PLXNA2: variants seen among roughly 807,000 people sequenced by gnomAD.
PLXNA2 encodes the protein plexin-A2.
In PLXNA2, 91 loss-of-function variants were observed where a neutral mutation model predicts 193.5. The ratio of observed to expected loss-of-function variants is 0.47; its 90% CI spans 0.40 to 0.56. PLXNA2 has a LOEUF of 0.56. Among genes scored for constraint, PLXNA2 ranks in the 20% least tolerant of loss-of-function variants. The pLI, the probability that PLXNA2 is intolerant of heterozygous loss-of-function variation, is 0.00. For synonymous variants in PLXNA2, 997 were observed against 1,027.3 expected (o/e 0.97, Z 0.56); for missense variants, 1,995 against 2,503.2 (o/e 0.80, Z 4.33).
intron 1 of PLXNA2, among the ~76,000 whole-genome samples, chr1:208,228,345 GT>G (rs1468267990): frequency 2.0e-5 from 3 of 152,134 alleles, no homozygotes; most frequent in Non-Finnish European, 2.9e-5. Flanking sequence ...AGAAGCTAGG[GT>G]TCCCAAAAGT....
At chr1:208,151,420 T>A (rs1668758441) in intron 3 of PLXNA2, among the ~76,000 whole-genome samples, 1 of 152,150 alleles carries the variant, frequency 6.6e-6, no homozygotes, top group Admixed American at 6.5e-5. Flanking sequence ...CTTTCAGGTC[T>A]GTGGGGAGTG....
At chr1:208,105,250 T>C (rs538426155) in intron 4 of PLXNA2, among the ~76,000 whole-genome samples, 1 of 152,322 alleles carries the variant, frequency 6.6e-6, no homozygotes, top group South Asian at 2.1e-4. Flanking sequence ...CAGGCTGTTT[T>C]CCAGTGTTCG....
At chr1:208,185,170 T>C (rs535451316) in intron 3 of PLXNA2, among the ~76,000 whole-genome samples, 8 of 152,338 alleles carry the variant, frequency 5.3e-5, no homozygotes, top group Non-Finnish European at 1.0e-4. Flanking sequence ...GGGATTTGAC[T>C]GAACCGTTCA....
chr1:208,214,983 C>A (rs994704730), intron 2 of PLXNA2, among the ~76,000 whole-genome samples: 1 of 152,020 alleles, frequency 6.6e-6, no homozygotes, highest in Non-Finnish European at 1.5e-5. Context: ...CTTCCCCCTA[C>A]TAGATTATAA....
chr1:208,209,335 C>G (rs988183340), intron 3 of PLXNA2, among the ~76,000 whole-genome samples: 5 of 152,162 alleles, frequency 3.3e-5, no homozygotes, highest in Non-Finnish European at 5.9e-5. Context: ...TCCCAAGGCT[C>G]TAAATGGATT....
At chr1:208,149,295 T>A (rs745561127) in intron 3 of PLXNA2, among the ~76,000 whole-genome samples, 9 of 151,964 alleles carry the variant, frequency 5.9e-5, no homozygotes, top group Non-Finnish European at 1.3e-4. Context: ...GATATGTATG[T>A]GTGTGGTGTG....
chr1:208,214,357 A>T (rs1298834753), intron 2 of PLXNA2, among the ~76,000 whole-genome samples: 1 of 152,228 alleles, frequency 6.6e-6, no homozygotes, highest in East Asian at 1.9e-4. Context: ...TATTTTAAAG[A>T]CGAAAAATTT....
intron 4 of PLXNA2, among the ~76,000 whole-genome samples, chr1:208,118,293 G>A (rs1423521772): frequency 6.6e-6 from 1 of 152,202 alleles, no homozygotes; most frequent in Non-Finnish European, 1.5e-5. Context: ...TGAAATCCTG[G>A]TGTCCTTCCA....
chr1:208,042,986 G>T, intron 21 of PLXNA2, 75 bp downstream of exon 21: 1 of 1,489,074 alleles, frequency 6.7e-7, no homozygotes, highest in Non-Finnish European at 9.3e-7. Context: ...GTACTGCTGA[G>T]TCTCATCTGG....
Position 208,216,852 on chromosome 1 carries a change from G to T in PLXNA2, c.1071C>A (p.Ala357=). The T allele has an allele frequency of 6.2e-7, 1 of 1,614,228 alleles. No individual in the cohort carries two copies. Among genetic ancestry groups the T allele is most frequent in the Non-Finnish European group, 8.5e-7 (1 of 1,180,036 alleles). ...GCAAGTTGATGGCCCGGATAGGGAA[G>T]GCACACAGGGCAGAGTCATCGGGCG... The part of the protein sequence containing the change: ...HHPPDDSALC[A]FPIRAINLQI... The change falls in exon 2 of 32, where the codon GCC becomes GCA. Residue 357 remains alanine, a synonymous_variant. Transcript: ENST00000367033.
chr1:208,072,333 T>C (rs1015081801), intron 12 of PLXNA2, among the ~76,000 whole-genome samples: 2 of 152,238 alleles, frequency 1.3e-5, no homozygotes, highest in African/African-American at 4.8e-5. Flanking sequence ...TGTGGCCTTA[T>C]GGTGCAATGT....
Position 208,038,404 on chromosome 1 carries a change from GTCACCC to G in PLXNA2, c.4725_4730del (p.Glu1575_Gly1576del). On this transcript the variant is annotated inframe_deletion, in exon 26 of 32. Coordinates refer to ENST00000367033, the MANE Select transcript of PLXNA2 (RefSeq NM_025179.4). This position sits in a 1 kb window ranked among gnomAD's most constrained non-coding sequence, Gnocchi z 4.1. ...GCATCAGTGTGTTGAGCCGCTTCCA[GTCACCC>G]TCAATCTTGGTGGTGATGTCCTCAT... is the stretch of plus-strand genomic sequence containing the variant. The G allele has an allele frequency of 6.2e-7, 1 of 1,613,778 alleles. No homozygotes were observed.
intron 3 of PLXNA2, among the ~76,000 whole-genome samples, chr1:208,182,032 G>A (rs1362889002): frequency 7.4e-5 from 8 of 107,966 alleles, no homozygotes; most frequent in Admixed American, 2.3e-4. Flanking sequence ...CTCTTTCACC[G>A]TGGCCTGTTC....
rs1047974498 is a variant in PLXNA2, at chr1:208,026,969, C to T, written c.*274G>A. The T allele has an allele frequency of 3.3e-5, 12 of 361,442 alleles. No homozygotes were observed. The highest frequency in any genetic ancestry group is 2.1e-4 in the East Asian group (4 of 19,500). The allele number at this position is 361,442 out of a possible 1,614,324, so 22.4% of individuals were successfully genotyped here. A position where few individuals can be genotyped will look rare whatever the true frequency, so the allele number is the denominator to read the frequency against. On this transcript the variant is annotated 3_prime_UTR_variant, in exon 32 of 32. Transcript: ENST00000367033. ...CACAGAGGCAGAACTGTCCCCAGCTCGTGCCTCTCGGCTTGAAGAACCACC... is the reference window on the plus strand; with the variant it reads ...CACAGAGGCAGAACTGTCCCCAGCTTGTGCCTCTCGGCTTGAAGAACCACC...
intron 4 of PLXNA2, among the ~76,000 whole-genome samples, chr1:208,141,858 G>A (rs565657280): frequency 6.6e-6 from 1 of 152,318 alleles, no homozygotes; most frequent in South Asian, 2.1e-4. Flanking sequence ...GCTTCCCAGA[G>A]CTGACCAGCT....
chr1:208,244,242 G>T lies in PLXNA2; in HGVS notation c.-680C>A, dbSNP rs1325822424. On this transcript the variant is annotated 5_prime_UTR_variant, in exon 1 of 32. Transcript: ENST00000367033. ...GAAAAATTCCCAGCAACTGCCCTCC[G>T]CCGCCCTCCCGCTCCAGTCTGGCGC... The T allele has an allele frequency of 5.6e-6, 1 of 178,990 alleles. No homozygotes were observed. The highest frequency in any genetic ancestry group is 1.8e-4 in the East Asian group (1 of 5,572). 11.1% of individuals were successfully genotyped at this position (178,990 alleles called of 1,614,324 possible). A position where few individuals can be genotyped will look rare whatever the true frequency, so the allele number is the denominator to read the frequency against.
Position 208,185,720 on chromosome 1 carries a change from GA to G in PLXNA2, c.1371+24559del, listed in dbSNP as rs79068594. On this transcript the variant is annotated intron_variant, in intron 3 of 31. Coordinates refer to ENST00000367033, the MANE Select transcript of PLXNA2 (RefSeq NM_025179.4). ...GCAAAAAAAAAAAAAAAAAAAAAAG[GA>G]AAAAAAAAAAGAAACTATCACTTTT... 7.2e-4 allele frequency among the ~76,000 whole-genome samples: 59 copies of G among 81,768 alleles called. 1 individual carries two copies. The highest frequency in any genetic ancestry group is 2.3e-3 in the South Asian group (6 of 2,666). The allele number at this position is 81,768 out of a possible 152,430, so 53.6% of individuals were successfully genotyped here.
chr1:208,061,837 A>G (rs1001999885), intron 12 of PLXNA2, among the ~76,000 whole-genome samples: 5 of 152,190 alleles, frequency 3.3e-5, no homozygotes, highest in Admixed American at 3.3e-4. Context: ...TGAAGTAGGA[A>G]AAATAACTCG....
At chr1:208,214,696 C>T (rs145176439) in intron 2 of PLXNA2, among the ~76,000 whole-genome samples, 13 of 152,336 alleles carry the variant, frequency 8.5e-5, no homozygotes, top group Non-Finnish European at 1.2e-4. Context: ...ACTTCTCACA[C>T]TCCCTGTTAA....
Sources: gnomAD v4.1 joint callset for allele counts (sites outside exome capture counted in the v4.1 genomes callset) on GRCh38, gnomAD v4.1.1 for gene constraint, Gnocchi (gnomAD v3.1) non-coding constraint, MANE v1.5 for transcripts, NCBI Gene and HGNC (gene_info 2026-07-23, HGNC 2026-07-21) for gene names.